Variants in ZAP70 observed in about 807,000 individuals in gnomAD.
ZAP70 encodes the protein tyrosine-protein kinase ZAP-70.
In ZAP70, 27 loss-of-function variants were observed where a neutral mutation model predicts 65.8. The observed-to-expected ratio is 0.41, with a 90% CI of 0.30 to 0.57. ZAP70 has a LOEUF of 0.57. ZAP70 is among the 20% of genes least tolerant of loss of function. ZAP70 has a pLI of 0.28. For missense variants in ZAP70, 696 were observed against 870.5 expected (o/e 0.80, Z 2.52); for synonymous variants, 363 against 360.8 (o/e 1.01, Z -0.07).
At chr2:97,752,810 C>T in the ZAP70 span, among the ~76,000 whole-genome samples, 4 of 152,090 alleles carry the variant, frequency 2.6e-5, no homozygotes, top group South Asian at 8.3e-4. Flanking sequence ...TTCCAACCTG[C>T]CCATGTGGGA....
intron 4 of ZAP70, among the ~76,000 whole-genome samples, chr2:97,730,213 G>A (rs980659388): frequency 6.6e-6 from 1 of 152,194 alleles, no homozygotes. Context: ...GGCAACAAGA[G>A]CAAAACTCTG....
the ZAP70 span, among the ~76,000 whole-genome samples, chr2:97,751,865 C>T: frequency 1.6e-4 from 25 of 152,296 alleles, no homozygotes; most frequent in African/African-American, 4.8e-4. Flanking sequence ...TTCTTGTGGG[C>T]ACTAAGGGTG....
rs986895953 is a variant in ZAP70 at position 97,716,720 on chromosome 2, G to C, written c.-22+2726G>C. Among the ~76,000 whole-genome samples, 10 of 152,274 alleles carry C rather than the reference G, an allele frequency of 6.6e-5. No homozygotes were observed. In the East Asian group the frequency reaches 1.9e-3, roughly 29 times the overall value. On this transcript the variant is annotated intron_variant, in intron 2 of 13. Transcript: ENST00000264972. ...GTGGCTGGAGGGGAGTGAGTGGCGG[G>C]GGGTGGTGATGGGCATCATGAAGGG...
intron 6 of ZAP70, 39 bp from the exon 7 acceptor site, chr2:97,733,258 C>G: frequency 6.2e-7 from 1 of 1,609,310 alleles, no homozygotes; most frequent in Non-Finnish European, 8.5e-7. Flanking sequence ...CGGCAGGAGA[C>G]CTGGCCCCCA....
At chr2:97,752,159 G>T in the ZAP70 span, among the ~76,000 whole-genome samples, 3 of 152,132 alleles carry the variant, frequency 2.0e-5, no homozygotes, top group African/African-American at 7.2e-5. Flanking sequence ...TATAATCCAC[G>T]GCAGAAGGCA....
At chr2:97,754,568 A>C in the ZAP70 span, among the ~76,000 whole-genome samples, 1 of 151,960 alleles carries the variant, frequency 6.6e-6, no homozygotes, top group African/African-American at 2.4e-5. Context: ...ACCCCCAGCT[A>C]ATTTTTGTAT....
rs151206323 is a variant in ZAP70, at chr2:97,726,384, G to C, written c.563+1132G>C. 2.8e-3 allele frequency among the ~76,000 whole-genome samples: 421 copies of C among 152,334 alleles called. 3 individuals are homozygous for C. The highest frequency in any genetic ancestry group is 9.8e-3 in the African/African-American group (407 of 41,578). On this transcript the variant is annotated intron_variant, in intron 4 of 13. Transcript: ENST00000264972. ...TCAGGCCTCAAGACACAGATAAATT[G>C]GTGCTGCCTCTTTCCCATGACCTCA...
At position 97,733,601 on chromosome 2, in the gene ZAP70, CGG is replaced by C; in HGVS notation, c.889+8_889+9del. 2 of 1,613,456 alleles carry C rather than the reference CGG, an allele frequency of 1.2e-6. No homozygotes were observed. The highest frequency in any genetic ancestry group is 1.3e-5 in the African/African-American group (1 of 74,986). ...TGGATACACCCCTGAGCCAGGTGAG[CGG>C]GCAGAGGTGGGGACGCGGGTTGGGG... is the stretch of plus-strand genomic sequence containing the variant. On this transcript the variant is annotated splice_region_variant and intron_variant, in intron 8 of 13. Transcript: ENST00000264972.
chr2:97,736,349 G>C lies in ZAP70; in HGVS notation c.1289+893G>C, dbSNP rs1389182603. Among the ~76,000 whole-genome samples the C allele has an allele frequency of 6.6e-6, 1 of 152,128 alleles. No homozygotes were observed. Among genetic ancestry groups the C allele is most frequent in the Admixed American group, 6.5e-5 (1 of 15,280 alleles). On this transcript the variant is annotated intron_variant, in intron 10 of 13. Transcript: ENST00000264972. The surrounding 1 kb of genome is among the most constrained non-coding windows in gnomAD (Gnocchi z 4.0). Reference sequence around the variant, plus strand: ...AGACACAAGTTCTGCACTCCCCAAGGCACGTTTTTGCTGATCTGTGCCCTC... The same window carrying C: ...AGACACAAGTTCTGCACTCCCCAAGCCACGTTTTTGCTGATCTGTGCCCTC...
intron 9 of ZAP70, chr2:97,734,966 C>A: frequency 1.5e-6 from 1 of 656,654 alleles, no homozygotes; most frequent in Non-Finnish European, 2.6e-6. Context: ...AGTGGGGTCC[C>A]CGATCCCTGA....
chr2:97,748,699 G>T, the ZAP70 span, among the ~76,000 whole-genome samples: 3 of 152,274 alleles, frequency 2.0e-5, no homozygotes, highest in South Asian at 6.2e-4. Flanking sequence ...CTCCCACTCA[G>T]GGTGTTCTCA....
rs1225831108 is a variant in ZAP70 at position 97,731,086 on chromosome 2, A to T, written c.564-1797A>T. 6.9e-6 allele frequency among the ~76,000 whole-genome samples: 1 copy of T among 144,436 alleles called. No individual in the cohort carries two copies. Among genetic ancestry groups the T allele is most frequent in the African/African-American group, 2.5e-5 (1 of 39,232 alleles). 94.8% of individuals were successfully genotyped at this position (144,436 alleles called of 152,430 possible). ...AAAAAAAAAAAAAAAGAGACAGAGGAGGGGAGATGGGAGGTTTGCTGTTTG... is the reference window on the plus strand; with the variant it reads ...AAAAAAAAAAAAAAAGAGACAGAGGTGGGGAGATGGGAGGTTTGCTGTTTG... On this transcript the variant is annotated intron_variant, in intron 4 of 13. Coordinates refer to ENST00000264972, the MANE Select transcript of ZAP70 (RefSeq NM_001079.4). This position sits in a 1 kb window ranked among gnomAD's most constrained non-coding sequence, Gnocchi z 4.0.
chr2:97,726,895 G>C (rs183909651), intron 4 of ZAP70, among the ~76,000 whole-genome samples: 1 of 152,346 alleles, frequency 6.6e-6, no homozygotes, highest in Admixed American at 6.5e-5. Context: ...AGATTTATTG[G>C]CTCAAAATGA....
At chr2:97,733,790 C>G (rs1039886281) in intron 8 of ZAP70, 195 bp downstream of exon 8, 2 of 684,680 alleles carry the variant, frequency 2.9e-6, no homozygotes, top group Non-Finnish European at 5.1e-6. Context: ...CCAGTGTGTA[C>G]TGACGTGCAG....
Position 97,739,615 on chromosome 2 carries a change from G to C in ZAP70, c.*117G>C. ...TGTCTCCACACACAGCTGGGCTGTG[G>C]TAGGGGGTGTCTCAGGCCACACCGG... On this transcript the variant is annotated 3_prime_UTR_variant, in exon 14 of 14. Transcript: ENST00000264972. 1 of 1,441,868 alleles carries C rather than the reference G, an allele frequency of 6.9e-7. No individual in the cohort carries two copies. The highest frequency in any genetic ancestry group is 9.3e-7 in the Non-Finnish European group (1 of 1,071,432). 89.3% of individuals were successfully genotyped at this position (1,441,868 alleles called of 1,614,324 possible).
At chr2:97,735,534 G>A in intron 10 of ZAP70, 78 bp downstream of exon 10, 1 of 1,514,322 alleles carries the variant, frequency 6.6e-7, no homozygotes, top group Non-Finnish European at 8.9e-7. Context: ...GCACCCGCGT[G>A]CATGCGTGTG....
At chr2:97,722,910 G>A (rs1240501270) in intron 2 of ZAP70, among the ~76,000 whole-genome samples, 2 of 152,124 alleles carry the variant, frequency 1.3e-5, no homozygotes, top group Non-Finnish European at 2.9e-5. Flanking sequence ...TCGTTACCTA[G>A]GGTTCAATAT....
At chr2:97,742,343 G>T (rs938938595), downstream of ZAP70, among the ~76,000 whole-genome samples, 3 of 152,260 alleles carry the variant, frequency 2.0e-5, no homozygotes, top group East Asian at 1.9e-4. Flanking sequence ...CATTTCTCTT[G>T]TAAGTGGCGA....
chr2:97,728,352 T>G (rs904527805), intron 4 of ZAP70, among the ~76,000 whole-genome samples: 9 of 152,158 alleles, frequency 5.9e-5, no homozygotes, highest in Non-Finnish European at 1.3e-4. Context: ...GGCAGTGAGG[T>G]CCACAGCTGG....
Sources: allele counts gnomAD v4.1 joint callset (sites outside exome capture counted in the v4.1 genomes callset), GRCh38; gene constraint gnomAD v4.1.1; non-coding constraint Gnocchi (gnomAD v3.1); transcripts MANE v1.5; gene names NCBI Gene and HGNC (gene_info 2026-07-23, HGNC 2026-07-21).